LAMA2: variants seen among roughly 807,000 people sequenced by gnomAD.
LAMA2 encodes the protein laminin subunit alpha-2.
A neutral mutation model predicts 364.8 loss-of-function variants in LAMA2; 269 were observed. That is an observed-to-expected ratio of 0.74 (90% CI 0.67 to 0.82). The LOEUF (loss-of-function observed/expected upper bound fraction) is 0.82. Among genes scored for constraint, LAMA2 ranks in the 40% least tolerant of loss-of-function variants. The pLI is 0.00. For synonymous variants in LAMA2, 1,379 were observed against 1,370.6 expected (o/e 1.01, Z -0.14); for missense variants, 3,807 against 3,873.2 (o/e 0.98, Z 0.45).
chr6:129,170,129 AT>A (rs1271683751), intron 9 of LAMA2, among the ~76,000 whole-genome samples: 6 of 150,830 alleles, frequency 4.0e-5, no homozygotes, highest in African/African-American at 1.5e-4. Flanking sequence ...GGATTCATTA[AT>A]TTTTTGAAGG....
intron 56 of LAMA2, among the ~76,000 whole-genome samples, chr6:129,489,049 A>C (rs560582876): frequency 2.0e-4 from 30 of 152,370 alleles, no homozygotes; most frequent in African/African-American, 7.0e-4. Context: ...AAATACCTCC[A>C]TCTATGCACA....
intron 12 of LAMA2, among the ~76,000 whole-genome samples, chr6:129,210,915 G>A (rs903263492): frequency 5.3e-5 from 8 of 152,074 alleles, no homozygotes; most frequent in Non-Finnish European, 1.2e-4. Flanking sequence ...GGTAGGGCTG[G>A]TGCTTGTTAC....
At chr6:129,456,233 T>C in intron 47 of LAMA2, 102 bp from the exon 48 acceptor site, 1 of 1,145,370 alleles carries the variant, frequency 8.7e-7, no homozygotes, top group East Asian at 2.4e-5. Context: ...TAAAAACAAG[T>C]CTCCGCATTT....
intron 12 of LAMA2, among the ~76,000 whole-genome samples, chr6:129,236,985 C>T (rs1785039614): frequency 6.6e-6 from 1 of 152,178 alleles, no homozygotes; most frequent in Admixed American, 6.5e-5. Context: ...TAAACATTGA[C>T]TCTAGTACTA....
intron 18 of LAMA2, among the ~76,000 whole-genome samples, chr6:129,281,307 G>A (rs898808006): frequency 6.6e-6 from 1 of 152,092 alleles, no homozygotes; most frequent in African/African-American, 2.4e-5. Flanking sequence ...TTTACATCAA[G>A]TGCCTAAACC....
chr6:129,079,699 A>G (rs988315543), intron 3 of LAMA2, among the ~76,000 whole-genome samples: 1 of 152,198 alleles, frequency 6.6e-6, no homozygotes, highest in Admixed American at 6.5e-5. Flanking sequence ...GTTGGAAAGA[A>G]TAGCAGTGAA....
intron 9 of LAMA2, 98 bp from the exon 10 acceptor site, chr6:129,177,608 G>A (rs1311853459): frequency 1.3e-5 from 16 of 1,225,766 alleles, no homozygotes; most frequent in Non-Finnish European, 1.2e-6. Context: ...CTATTTTTGT[G>A]TCAAAATAGC....
At chr6:129,424,857 T>A (rs1439212244) in intron 40 of LAMA2, among the ~76,000 whole-genome samples, 1 of 151,012 alleles carries the variant, frequency 6.6e-6, no homozygotes, top group Non-Finnish European at 1.5e-5. Context: ...CTTCTGTGTA[T>A]TTACTCCAAG....
intron 18 of LAMA2, among the ~76,000 whole-genome samples, chr6:129,281,849 A>G: frequency 6.6e-6 from 1 of 152,190 alleles, no homozygotes; most frequent in Non-Finnish European, 1.5e-5. Context: ...GCCAGAATTT[A>G]GATTAGGGTT....
At chr6:128,975,159 A>G (rs1252960255) in intron 1 of LAMA2, among the ~76,000 whole-genome samples, 1 of 152,184 alleles carries the variant, frequency 6.6e-6, no homozygotes, top group Non-Finnish European at 1.5e-5. Context: ...GCCATGAGTA[A>G]CAATTTTTAA....
At chr6:129,040,131 T>G (rs1410048858) in intron 1 of LAMA2, among the ~76,000 whole-genome samples, 1 of 152,222 alleles carries the variant, frequency 6.6e-6, no homozygotes, top group East Asian at 1.9e-4. Flanking sequence ...AAGTATCTTT[T>G]AACATTTTCT....
intron 40 of LAMA2, among the ~76,000 whole-genome samples, chr6:129,405,282 T>C (rs999290619): frequency 6.6e-6 from 1 of 152,292 alleles, no homozygotes; most frequent in African/African-American, 2.4e-5. Flanking sequence ...TTATGCCTGT[T>C]CATAATCTTT....
At chr6:129,376,279 A>C (rs1252096542) in intron 34 of LAMA2, among the ~76,000 whole-genome samples, 1 of 152,170 alleles carries the variant, frequency 6.6e-6, no homozygotes, top group Non-Finnish European at 1.5e-5. Flanking sequence ...GCTCCTGCTT[A>C]TCCAATTCAT....
At chr6:129,149,332 A>G (rs796581712) in intron 7 of LAMA2, among the ~76,000 whole-genome samples, 3 of 152,268 alleles carry the variant, frequency 2.0e-5, no homozygotes, top group African/African-American at 7.2e-5. Flanking sequence ...GACAGGTATC[A>G]TGGAGAAACC....
chr6:129,076,561 A>C (rs1317043707), intron 3 of LAMA2, among the ~76,000 whole-genome samples: 3 of 147,156 alleles, frequency 2.0e-5, no homozygotes, highest in Non-Finnish European at 4.5e-5. Flanking sequence ...ATGGCTCCAA[A>C]CACAGATTTA....
At chr6:128,981,299 GAA>G (rs1446059845) in intron 1 of LAMA2, among the ~76,000 whole-genome samples, 1 of 152,038 alleles carries the variant, frequency 6.6e-6, no homozygotes, top group African/African-American at 2.4e-5. Flanking sequence ...AAGCCCTAAT[GAA>G]AAGTCTTTGG....
rs1184806373 is a variant in LAMA2, at chr6:129,516,466, T to G, written c.*119T>G. ...AATTTGTGCATGTACATAGAATTCT[T>G]TCTGTATTCAGATGGTGCTAATTCA... On this transcript the variant is annotated 3_prime_UTR_variant, in exon 65 of 65. Coordinates refer to ENST00000421865, the MANE Select transcript of LAMA2 (RefSeq NM_000426.4). 1 of 1,003,838 alleles carries G rather than the reference T, an allele frequency of 1.0e-6. No individual in the cohort carries two copies. Among genetic ancestry groups the G allele is most frequent in the Non-Finnish European group, 1.5e-6 (1 of 653,352 alleles). 62.2% of individuals were successfully genotyped at this position (1,003,838 alleles called of 1,614,324 possible).
intron 1 of LAMA2, among the ~76,000 whole-genome samples, chr6:128,975,502 C>T (rs1393451194): frequency 6.6e-6 from 1 of 152,076 alleles, no homozygotes; most frequent in Non-Finnish European, 1.5e-5. Flanking sequence ...AAGTGTGGGG[C>T]AAATGATGGA....
At chr6:129,350,942 C>A (rs113409952) in intron 31 of LAMA2, among the ~76,000 whole-genome samples, 44 of 152,286 alleles carry the variant, frequency 2.9e-4, no homozygotes, top group Middle Eastern at 3.4e-3. Context: ...TCCATACCAA[C>A]AGAAATTAGC....
Sources: gnomAD v4.1 joint callset for allele counts (sites outside exome capture counted in the v4.1 genomes callset) on GRCh38, gnomAD v4.1.1 for gene constraint, MANE v1.5 for transcripts, NCBI Gene and HGNC (gene_info 2026-07-23, HGNC 2026-07-21) for gene names.